TF: variants seen among roughly 807,000 people sequenced by gnomAD.
TF encodes transferrin.
Under a neutral mutation model 82.4 loss-of-function variants are expected in TF, and 55 were observed. The ratio of observed to expected loss-of-function variants is 0.67; its 90% confidence interval spans 0.54 to 0.84. TF has a LOEUF of 0.84. Ranked by LOEUF, TF falls within the 40% of genes least tolerant of loss-of-function variation. The pLI is 0.00. For missense variants in TF, 737 were observed against 868.4 expected (o/e 0.85, Z 1.90); for synonymous variants, 332 against 332.6 (o/e 1.00, Z 0.02).
At chr3:133,730,177 G>A in the TF span, among the ~76,000 whole-genome samples, 1 of 152,166 alleles carries the variant, frequency 6.6e-6, no homozygotes, top group South Asian at 2.1e-4. Flanking sequence ...GCAGAAGGCA[G>A]ATCTTCTCTC....
At chr3:133,715,177 T>A in the TF span, among the ~76,000 whole-genome samples, 2,502 of 152,326 alleles carry the variant, frequency 0.016, 51 homozygotes, top group South Asian at 0.091. Context: ...GTATCTCTAG[T>A]CCTCCCACTA....
At chr3:133,684,170 A>G in the TF span, among the ~76,000 whole-genome samples, 5 of 152,242 alleles carry the variant, frequency 3.3e-5, no homozygotes, top group African/African-American at 1.2e-4. Context: ...CAAAGACACA[A>G]TATATCAGAA....
rs1198924719 is a variant in TF at position 133,784,238 on chromosome 3, T to C, written c.*5618T>C. ...AGACGCTGGTGCTGGAAAAGAGAAG[T>C]GTAAGAATAACTTGCGCCATTAGGC... is the stretch of plus-strand genomic sequence containing the variant. On this transcript the variant is annotated 3_prime_UTR_variant, in exon 17 of 17. Transcript: ENST00000402696. The C allele has an allele frequency of 2.0e-5, 3 of 152,080 alleles. No homozygotes were observed. The highest frequency in any genetic ancestry group is 7.2e-5 in the African/African-American group (3 of 41,392). 9.4% of individuals were successfully genotyped at this position (152,080 alleles called of 1,614,324 possible). A position where few individuals can be genotyped will look rare whatever the true frequency, so the allele number is the denominator to read the frequency against.
At chr3:133,769,400 CAT>C (rs1221338937) in intron 13 of TF, among the ~76,000 whole-genome samples, 1 of 152,136 alleles carries the variant, frequency 6.6e-6, no homozygotes, top group East Asian at 1.9e-4. Flanking sequence ...CTGGTGATAA[CAT>C]ATGTTTGAGA....
At chr3:133,734,580 C>G in the TF span, among the ~76,000 whole-genome samples, 1 of 152,110 alleles carries the variant, frequency 6.6e-6, no homozygotes, top group Non-Finnish European at 1.5e-5. Flanking sequence ...ATAGAAAAAA[C>G]TAAACAGATG....
chr3:133,748,054 C>T (rs1037707164), intron 1 of TF: 31 of 288,564 alleles, frequency 1.1e-4, no homozygotes, highest in Admixed American at 5.0e-4. Context: ...TAGCTGAAAA[C>T]GCCCTGTGCA....
At chr3:133,747,378 A>G (rs6796795) in intron 1 of TF, 12,140 of 152,196 alleles carry the variant, frequency 0.08, 630 homozygotes, top group African/African-American at 0.14. Flanking sequence ...GCCTCCTAGG[A>G]TTTCCCATGG....
the TF span, among the ~76,000 whole-genome samples, chr3:133,722,157 C>T: frequency 6.6e-6 from 1 of 152,112 alleles, no homozygotes; most frequent in Non-Finnish European, 1.5e-5. Flanking sequence ...GCTGGGATTA[C>T]AGGCATAAGC....
the TF span, among the ~76,000 whole-genome samples, chr3:133,667,432 C>G: frequency 6.7e-6 from 1 of 149,872 alleles, no homozygotes; most frequent in African/African-American, 2.5e-5. Context: ...GTCCTAAAAA[C>G]AAGAGATAAA....
chr3:133,768,596 A>G (rs1251364832), intron 13 of TF, among the ~76,000 whole-genome samples: 3 of 141,686 alleles, frequency 2.1e-5, no homozygotes, highest in South Asian at 2.3e-4. Flanking sequence ...CGGCAATGAT[A>G]CCCTACTGTA....
In TF at chr3:133,789,879, G is replaced by GTTTTTTTTTTTTT. The variant is rs56267966; in HGVS notation, c.*11276_*11288dup. 3 of 88,982 alleles carry GTTTTTTTTTTTTT rather than the reference G, an allele frequency of 3.4e-5. No homozygotes were observed. The highest frequency in any genetic ancestry group is 6.1e-5 in the Non-Finnish European group (3 of 49,026). 5.5% of individuals were successfully genotyped at this position (88,982 alleles called of 1,614,324 possible). A position where few individuals can be genotyped will look rare whatever the true frequency, so the allele number is the denominator to read the frequency against. ...GCCAAAACAAAACGATCTCGTTTGC[G>GTTTTTTTTTTTTT]TTTTTTTTTTTTTTTTTTTTTTTTT... On this transcript the variant is annotated 3_prime_UTR_variant, in exon 17 of 17. Coordinates refer to ENST00000402696, the MANE Select transcript of TF (RefSeq NM_001063.4).
At chr3:133,710,965 C>T in the TF span, among the ~76,000 whole-genome samples, 1 of 152,330 alleles carries the variant, frequency 6.6e-6, no homozygotes, top group South Asian at 2.1e-4. Context: ...CACCAGTGGC[C>T]TCCATACTGC....
chr3:133,715,335 A>G, the TF span, among the ~76,000 whole-genome samples: 2 of 152,148 alleles, frequency 1.3e-5, no homozygotes, highest in South Asian at 4.2e-4. Context: ...TGCCATATCT[A>G]CCCACATGCC....
chr3:133,768,303 T>A, intron 13 of TF, 139 bp downstream of exon 13: 1 of 1,203,424 alleles, frequency 8.3e-7, no homozygotes, highest in Non-Finnish European at 1.2e-6. Flanking sequence ...CAACCAGATA[T>A]AGAGCCACAT....
chr3:133,662,764 A>T, the TF span, among the ~76,000 whole-genome samples: 1 of 152,180 alleles, frequency 6.6e-6, no homozygotes, highest in South Asian at 2.1e-4. Flanking sequence ...TTCTTATTTT[A>T]TAAAATCTAG....
chr3:133,702,431 A>G, the TF span, among the ~76,000 whole-genome samples: 1 of 152,024 alleles, frequency 6.6e-6, no homozygotes, highest in Non-Finnish European at 1.5e-5. Flanking sequence ...TTTAATTGTA[A>G]GTTTATTTTT....
rs1205088038 is a variant in TF at position 133,759,313 on chromosome 3, G to A, written c.1187G>A (p.Cys396Tyr). Residue 396 changes from cysteine (C) to tyrosine (Y), a missense_variant, in exon 9 of 17, where the codon TGC becomes TAC. Transcript: ENST00000402696. ...ECVSAETTEDCIAKIMNGEAD... is the reference protein window; with the variant it reads ...ECVSAETTEDYIAKIMNGEAD... ...GTATCAGCAGAGACCACCGAAGACT[G>A]CATCGCCAAGATCATGGTATGTCAC... 2 of 1,613,494 alleles carry A rather than the reference G, an allele frequency of 1.2e-6. No individual in the cohort carries two copies. The highest frequency in any genetic ancestry group is 3.3e-5 in the Admixed American group (2 of 59,980).
intron 16 of TF, 40 bp downstream of exon 16, chr3:133,777,278 ATGG>A: frequency 6.3e-7 from 1 of 1,598,986 alleles, no homozygotes; most frequent in South Asian, 1.1e-5. Context: ...GCAACCAAAC[ATGG>A]TGGTGAGTGC....
chr3:133,736,360 G>A, the TF span, among the ~76,000 whole-genome samples: 8 of 152,062 alleles, frequency 5.3e-5, 1 homozygote, highest in Admixed American at 5.2e-4. Flanking sequence ...ATAACAAATT[G>A]TAAAGACCAT....
Sources: allele counts gnomAD v4.1 joint callset (sites outside exome capture counted in the v4.1 genomes callset), GRCh38; gene constraint gnomAD v4.1.1; transcripts MANE v1.5; gene names NCBI Gene and HGNC (gene_info 2026-07-23, HGNC 2026-07-21).